BPIFC: variants seen among roughly 807,000 people sequenced by gnomAD.
BPIFC encodes the protein BPI fold-containing family C protein.
BPIFC carries 60 observed loss-of-function variants against 57.6 expected under a neutral mutation model. The observed-to-expected ratio is 1.04, with a 90% CI of 0.85 to 1.29. The LOEUF is 1.29. Ranked by LOEUF, BPIFC falls within the 50% of genes most tolerant of loss-of-function variation. The pLI is 0.00. For missense variants in BPIFC, 581 were observed against 600.5 expected, an observed-to-expected ratio of 0.97 and a Z score of 0.34; for synonymous variants, 243 against 224.5, an observed-to-expected ratio of 1.08 and a Z score of -0.74.
rs574743099 is a variant in BPIFC, at chr22:32,464,380, C to T, written c.-95G>A. On this transcript the variant is annotated 5_prime_UTR_variant, in exon 1 of 17. Coordinates refer to ENST00000300399, the MANE Select transcript of BPIFC (RefSeq NM_174932.3). Reference sequence around the variant, plus strand: ...GTTTGTTCATGAGTCTTACCTCAAGCAGAGGAAGTGTCCAAAGCTGGAGAG... The same window carrying T: ...GTTTGTTCATGAGTCTTACCTCAAGTAGAGGAAGTGTCCAAAGCTGGAGAG... 4.1e-6 allele frequency: 4 copies of T among 985,078 alleles called. No homozygotes were observed. In the African/African-American group the frequency reaches 7.0e-5, roughly 17 times the overall value. The allele number at this position is 985,078 out of a possible 1,614,324, so 61.0% of individuals were successfully genotyped here. A position where few individuals can be genotyped will look rare whatever the true frequency, so the allele number is the denominator to read the frequency against.
At chr22:32,446,076 C>T (rs1934721089) in intron 5 of BPIFC, 80 bp from the exon 6 acceptor site, 1 of 1,524,978 alleles carries the variant, frequency 6.6e-7, no homozygotes, top group Non-Finnish European at 8.9e-7. Context: ...CCCAGAGACT[C>T]TAAGCTCCTG....
chr22:32,445,929 G>A lies in BPIFC; in HGVS notation c.442C>T (p.Arg148Ter), dbSNP rs531309768. The change falls in exon 6 of 17, where the codon CGA becomes TGA. Residue 148 changes from arginine (R) to a stop codon, truncating the protein, a stop_gained. Transcript: ENST00000300399. LOFTEE classifies it high-confidence loss of function. ...VYFTGIIILT[R>*]NDFGHPTLKL... ...AGGGTAGGATGACCAAAGTCATTTC[G>A]GGTTAGGATAATGATACCGGTAAAG... 1.2e-5 allele frequency: 19 copies of A among 1,614,044 alleles called. No homozygotes were observed. The highest frequency in any genetic ancestry group is 5.0e-5 in the Admixed American group (3 of 60,006).
intron 5 of BPIFC, among the ~76,000 whole-genome samples, chr22:32,446,524 G>T (rs1333503884): frequency 6.6e-6 from 1 of 152,224 alleles, no homozygotes; most frequent in Non-Finnish European, 1.5e-5. Flanking sequence ...AATCTATGTT[G>T]CTGTGGGGAA....
At position 32,433,766 on chromosome 22, in the gene BPIFC, T is replaced by C. The variant is rs200078784; in HGVS notation, c.931A>G (p.Asn311Asp). The change falls in exon 11 of 17, where the codon AAC becomes GAC. Residue 311 changes from asparagine to aspartate, a missense_variant. Transcript: ENST00000300399. The part of the protein sequence containing the change: ...NVTLSTEEIS[N>D]HFVQNSQGLG... Reference sequence around the variant, plus strand: ...CCTTGAGAGTTTTGAACAAAATGGTTGGAAATCTGGAAAATAAAGCCCATT... The same window carrying C: ...CCTTGAGAGTTTTGAACAAAATGGTCGGAAATCTGGAAAATAAAGCCCATT... The C allele has an allele frequency of 2.2e-4, 354 of 1,613,654 alleles. No homozygotes were observed. The highest frequency in any genetic ancestry group is 2.7e-4 in the Non-Finnish European group (322 of 1,179,696).
At chr22:32,443,318 T>C (rs367914524) in intron 7 of BPIFC, among the ~76,000 whole-genome samples, 1 of 152,152 alleles carries the variant, frequency 6.6e-6, no homozygotes, top group Non-Finnish European at 1.5e-5. Context: ...CGCTCGCCAC[T>C]ATGCCCGGCT....
intron 6 of BPIFC, 61 bp downstream of exon 6, chr22:32,445,780 A>G: frequency 6.3e-7 from 1 of 1,584,294 alleles, no homozygotes; most frequent in Non-Finnish European, 8.6e-7. Context: ...AACCTTCCCT[A>G]GGCGATGCCT....
chr22:32,462,207 G>GA (rs1215117021), intron 1 of BPIFC, among the ~76,000 whole-genome samples: 157 of 121,368 alleles, frequency 1.3e-3, no homozygotes, highest in Non-Finnish European at 2.0e-3. Flanking sequence ...AGAAAAAAAA[G>GA]AAAAAAAAAA....
In BPIFC at chr22:32,431,419, A is replaced by G; in HGVS notation, c.1150-5T>C. On this transcript the variant is annotated splice_region_variant and splice_polypyrimidine_tract_variant and intron_variant, in intron 12 of 16. Coordinates refer to ENST00000300399, the MANE Select transcript of BPIFC (RefSeq NM_174932.3). ...GCCAACACTGGTACTAGCAACCTATAGACAATAAAAGCATTTATTATTAAG... is the reference window on the plus strand; with the variant it reads ...GCCAACACTGGTACTAGCAACCTATGGACAATAAAAGCATTTATTATTAAG... 6.4e-7 allele frequency: 1 copy of G among 1,556,188 alleles called. No homozygotes were observed.
chr22:32,431,114 G>A (rs975745979), intron 13 of BPIFC, among the ~76,000 whole-genome samples: 5 of 146,334 alleles, frequency 3.4e-5, no homozygotes, highest in Admixed American at 1.4e-4. Context: ...AATGGTTAAC[G>A]TCCCTTTTTT....
chr22:32,422,051 C>T (rs183190856), intron 13 of BPIFC, among the ~76,000 whole-genome samples: 183 of 152,190 alleles, frequency 1.2e-3, no homozygotes, highest in African/African-American at 3.2e-3. Context: ...CACAGCAGGG[C>T]GATGCGAGAG....
intron 3 of BPIFC, among the ~76,000 whole-genome samples, chr22:32,454,774 G>A (rs748548297): frequency 6.6e-6 from 1 of 152,168 alleles, no homozygotes; most frequent in Non-Finnish European, 1.5e-5. Flanking sequence ...AGAGCCAGAG[G>A]CACTACCAGA....
rs1286408626 is a variant in BPIFC at position 32,437,755 on chromosome 22, G to C, written c.747+5C>G. On this transcript the variant is annotated splice_donor_5th_base_variant and intron_variant, in intron 9 of 16. Transcript: ENST00000300399. ...GGCTGAGGATTCTGATGATGATAAAGTTACCTTCAAGTTCAGGTCAAGGTA... is the reference window on the plus strand; with the variant it reads ...GGCTGAGGATTCTGATGATGATAAACTTACCTTCAAGTTCAGGTCAAGGTA... 1 of 1,575,500 alleles carries C rather than the reference G, an allele frequency of 6.3e-7. No individual in the cohort carries two copies. Among genetic ancestry groups the C allele is most frequent in the Non-Finnish European group, 8.7e-7 (1 of 1,145,236 alleles).
chr22:32,433,700 T>A lies in BPIFC; in HGVS notation c.978+19A>T. On this transcript the variant is annotated intron_variant, in intron 11 of 16. Transcript: ENST00000300399. ...ATGGAGCCAAATACACTATCAAGAC[T>A]CAAACCCTGAGCACTTACCCGGGAG... 6.2e-7 allele frequency: 1 copy of A among 1,612,256 alleles called. No homozygotes were observed. The highest frequency in any genetic ancestry group is 8.5e-7 in the Non-Finnish European group (1 of 1,178,360).
chr22:32,437,968 C>T (rs536949644), intron 8 of BPIFC, 117 bp from the exon 9 acceptor site: 2 of 592,224 alleles, frequency 3.4e-6, no homozygotes, highest in Admixed American at 3.3e-5. Flanking sequence ...AAGATCAATT[C>T]CTGCTTTTCA....
At chr22:32,448,242 G>T (rs1934787997) in intron 4 of BPIFC, among the ~76,000 whole-genome samples, 1 of 151,860 alleles carries the variant, frequency 6.6e-6, no homozygotes, top group Non-Finnish European at 1.5e-5. Context: ...ATAATTTTTT[G>T]TATTTTTAGT....
rs533132154 is a variant in BPIFC, at chr22:32,434,728, C to G, written c.925-956G>C. Reference sequence around the variant, plus strand: ...GCTAGAAGTGTCTAATTCTCAGTATCGTAAGATAGCCACTGCTGCCATACT... The same window carrying G: ...GCTAGAAGTGTCTAATTCTCAGTATGGTAAGATAGCCACTGCTGCCATACT... On this transcript the variant is annotated intron_variant, in intron 10 of 16. Coordinates refer to ENST00000300399, the MANE Select transcript of BPIFC (RefSeq NM_174932.3). Among the ~76,000 whole-genome samples, 112 of 152,188 alleles carry G rather than the reference C, an allele frequency of 7.4e-4. 1 individual carries two copies. Among genetic ancestry groups the G allele is most frequent in the African/African-American group, 2.6e-3 (108 of 41,524 alleles).
chr22:32,439,394 G>T lies in BPIFC; in HGVS notation c.656-1543C>A, dbSNP rs1934501706. ...CTAGTTGTATGTGCAGTGACTCAGG[G>T]CTCAGGTTTCCCACTCGGCTTTGGA... On this transcript the variant is annotated intron_variant, in intron 8 of 16. Transcript: ENST00000300399. Among the ~76,000 whole-genome samples, 4 of 151,902 alleles carry T rather than the reference G, an allele frequency of 2.6e-5. No homozygotes were observed. In the South Asian group the frequency reaches 8.3e-4, roughly 32 times the overall value.
chr22:32,436,144 A>G (rs944836641), intron 9 of BPIFC, among the ~76,000 whole-genome samples: 7 of 151,844 alleles, frequency 4.6e-5, no homozygotes, highest in Non-Finnish European at 7.4e-5. Flanking sequence ...AAATACAAAA[A>G]TTAGCCAGGT....
At position 32,437,645 on chromosome 22, in the gene BPIFC, C is replaced by T. The variant is rs145861963; in HGVS notation, c.747+115G>A. 1,006 of 708,830 alleles carry T rather than the reference C, an allele frequency of 1.4e-3. 11 individuals are homozygous for T. The African/African-American group carries it at 0.015, about 11-fold the overall frequency. 43.9% of individuals were successfully genotyped at this position (708,830 alleles called of 1,614,324 possible). On this transcript the variant is annotated intron_variant, in intron 9 of 16. Coordinates refer to ENST00000300399, the MANE Select transcript of BPIFC (RefSeq NM_174932.3). ...GCCTCAAGTGATCCACCTGCCTGGG[C>T]CTCCCAAAGTGCTGGGATTACAGGT...
Sources: allele counts gnomAD v4.1 joint callset (sites outside exome capture counted in the v4.1 genomes callset), GRCh38; gene constraint gnomAD v4.1.1; transcripts MANE v1.5; gene names NCBI Gene and HGNC (gene_info 2026-07-23, HGNC 2026-07-21).